PKD1L3: variants seen among roughly 807,000 people sequenced by gnomAD.
PKD1L3 encodes the protein polycystin 1 like 3, transient receptor potential channel interacting.
A neutral mutation model predicts 184.1 loss-of-function variants in PKD1L3; 239 were observed. That is an observed-to-expected ratio of 1.30 (90% confidence interval 1.17 to 1.45). The LOEUF (loss-of-function observed/expected upper bound fraction) is 1.45. Among genes scored for constraint, PKD1L3 ranks in the 40% most tolerant of loss-of-function variants. PKD1L3 has a pLI of 0.00. For synonymous variants in PKD1L3, 996 were observed against 778.8 expected (o/e 1.28, Z -4.64); for missense variants, 2,660 against 2,067.2 (o/e 1.29, Z -5.56).
chr16:71,996,817 G>C (rs1204465112), intron 2 of PKD1L3, among the ~76,000 whole-genome samples: 1 of 152,126 alleles, frequency 6.6e-6, no homozygotes, highest in Non-Finnish European at 1.5e-5. Flanking sequence ...TCAACAACCA[G>C]AGGGATTCAC....
intron 28 of PKD1L3, among the ~76,000 whole-genome samples, chr16:71,933,101 T>C (rs1216917350): frequency 2.6e-5 from 4 of 152,064 alleles, no homozygotes; most frequent in Non-Finnish European, 4.4e-5. Flanking sequence ...CAAGGGGCCA[T>C]TGAGAAGCAG....
At chr16:71,981,379 G>A (rs2040146752) in intron 7 of PKD1L3, among the ~76,000 whole-genome samples, 1 of 152,072 alleles carries the variant, frequency 6.6e-6, no homozygotes, top group South Asian at 2.1e-4. Context: ...ATCCTTGCCA[G>A]TACTTGTTAT....
intron 24 of PKD1L3, among the ~76,000 whole-genome samples, chr16:71,941,783 C>T (rs2038370877): frequency 6.6e-6 from 1 of 151,326 alleles, no homozygotes; most frequent in African/African-American, 2.4e-5. Context: ...CGGGGTGTCA[C>T]CATATTGGCC....
intron 2 of PKD1L3, among the ~76,000 whole-genome samples, chr16:71,994,793 G>C (rs534191758): frequency 2.6e-5 from 4 of 152,082 alleles, no homozygotes; most frequent in Non-Finnish European, 4.4e-5. Context: ...GAGGTCAGGA[G>C]TTCGAGACCA....
chr16:71,956,743 C>G (rs1457693149), intron 16 of PKD1L3, among the ~76,000 whole-genome samples: 1 of 152,136 alleles, frequency 6.6e-6, no homozygotes, highest in African/African-American at 2.4e-5. Context: ...AGCTCTGTTG[C>G]ACAGCAGTAT....
At position 71,945,266 on chromosome 16, in the gene PKD1L3, CTATATATATATATATATATATATATATA is replaced by C. The variant is rs60469321; in HGVS notation, c.3719-1124_3719-1097del. ...AGGCCTAAGATTCTGAATTTCTTAA[CTATATATATATATATATATATATATATA>C]TATATATATATACACACACACACAC... On this transcript the variant is annotated intron_variant, in intron 22 of 29. Transcript: ENST00000620267. Among the ~76,000 whole-genome samples, 7 of 63,944 alleles carry C rather than the reference CTATATATATATATATATATATATATATA, an allele frequency of 1.1e-4. 1 individual carries two copies. The highest frequency in any genetic ancestry group is 2.3e-4 in the African/African-American group (4 of 17,132). 41.9% of individuals were successfully genotyped at this position (63,944 alleles called of 152,430 possible). A position where few individuals can be genotyped will look rare whatever the true frequency, so the allele number is the denominator to read the frequency against.
rs1466616463 is a variant in PKD1L3 at position 71,933,927 on chromosome 16, G to A, written c.4812C>T (p.Gly1604=). ...FLLIILILLT[G]YAIAFNLLFG... ...CGTGGGGGCTTACGGCAATGGCATAGCCTGTCAGCAGGATTAGGATGATCA... is the reference window on the plus strand; with the variant it reads ...CGTGGGGGCTTACGGCAATGGCATAACCTGTCAGCAGGATTAGGATGATCA... Residue 1604 remains glycine, a synonymous_variant, in exon 27 of 30, where the codon GGC becomes GGT. Coordinates refer to ENST00000620267, the MANE Select transcript of PKD1L3 (RefSeq NM_181536.2). The A allele has an allele frequency of 6.4e-7, 1 of 1,551,112 alleles. No homozygotes were observed. The highest frequency in any genetic ancestry group is 1.4e-5 in the African/African-American group (1 of 73,004).
In PKD1L3 at chr16:71,950,232, A is replaced by G; in HGVS notation, c.3269T>C (p.Leu1090Pro). The G allele has an allele frequency of 6.4e-7, 1 of 1,552,132 alleles. No individual in the cohort carries two copies. Among genetic ancestry groups the G allele is most frequent in the Non-Finnish European group, 8.7e-7 (1 of 1,147,096 alleles). Residue 1090 changes from leucine to proline, a missense_variant, in exon 20 of 30, where the codon CTG becomes CCG. Transcript: ENST00000620267. ...GGACTGGTGACCCTGGGTGAGACCC[A>G]GCGTGCCTAAGTGAGATTTCAGCCT... ...LQRLKSHLGTLGLTQGHQSCD... is the reference protein window; with the variant it reads ...LQRLKSHLGTPGLTQGHQSCD...
rs540326664 is a variant in PKD1L3, at chr16:71,935,322, G to A, written c.4613+36C>T. On this transcript the variant is annotated intron_variant, in intron 26 of 29. Coordinates refer to ENST00000620267, the MANE Select transcript of PKD1L3 (RefSeq NM_181536.2). ...ATAAACAGGAAACTTTAGACATGAG[G>A]TAGGAATATGCTGTGCCCCTCAGGC... 1.2e-5 allele frequency: 18 copies of A among 1,531,550 alleles called. No homozygotes were observed. In the South Asian group the frequency reaches 1.8e-4, roughly 16 times the overall value. The allele number at this position is 1,531,550 out of a possible 1,614,324, so 94.9% of individuals were successfully genotyped here. A position where few individuals can be genotyped will look rare whatever the true frequency, so the allele number is the denominator to read the frequency against.
intron 11 of PKD1L3, among the ~76,000 whole-genome samples, chr16:71,975,377 G>A (rs1047954675): frequency 6.6e-6 from 1 of 151,980 alleles, no homozygotes; most frequent in Non-Finnish European, 1.5e-5. Context: ...TAACTGTAAT[G>A]TTATGTCTCA....
chr16:71,947,644 A>G, intron 21 of PKD1L3, 53 bp from the exon 22 acceptor site: 2 of 1,201,622 alleles, frequency 1.7e-6, no homozygotes, highest in East Asian at 2.6e-5. Flanking sequence ...ACCCAGGAAG[A>G]TAATACCGTA....
chr16:71,958,941 G>A (rs887653879), intron 16 of PKD1L3, among the ~76,000 whole-genome samples: 4 of 151,070 alleles, frequency 2.6e-5, no homozygotes, highest in African/African-American at 9.7e-5. Context: ...CAAAAAATTA[G>A]CCAGGCATGG....
chr16:71,937,125 A>G (rs1297679292), intron 25 of PKD1L3, among the ~76,000 whole-genome samples, 167 bp downstream of exon 25: 1 of 151,976 alleles, frequency 6.6e-6, no homozygotes, highest in Non-Finnish European at 1.5e-5. Context: ...GCGTGATCTT[A>G]GCTCACTGCA....
At chr16:71,941,280 A>G (rs954981832) in intron 24 of PKD1L3, among the ~76,000 whole-genome samples, 2 of 152,192 alleles carry the variant, frequency 1.3e-5, no homozygotes, top group African/African-American at 4.8e-5. Flanking sequence ...AGTTAAGAGG[A>G]TATTGCATCC....
chr16:71,991,030 T>TA (rs2040569784), intron 3 of PKD1L3: 1 of 152,322 alleles, frequency 6.6e-6, no homozygotes, highest in Non-Finnish European at 1.5e-5. Context: ...ATTTTCCCAG[T>TA]AAAAAATGCC....
At chr16:71,954,335 G>T in intron 16 of PKD1L3, 34 bp from the exon 17 acceptor site, 2 of 1,448,366 alleles carry the variant, frequency 1.4e-6, no homozygotes, top group South Asian at 1.4e-5. Flanking sequence ...AAATACATGA[G>T]ATTTTATTCT....
intron 3 of PKD1L3, chr16:71,991,135 C>A (rs1198871151): frequency 5.9e-6 from 1 of 168,976 alleles, no homozygotes; most frequent in Non-Finnish European, 1.3e-5. Context: ...TATGTGCCAT[C>A]TTAACGTGCA....
chr16:71,992,000 T>G (rs7184140), intron 3 of PKD1L3, among the ~76,000 whole-genome samples: 70,717 of 151,872 alleles, frequency 0.47, 17,851 homozygotes, highest in African/African-American at 0.65. Context: ...TAAAAGTTTT[T>G]TGTAGAGACA....
At chr16:71,944,591 G>A (rs942965600) in intron 22 of PKD1L3, among the ~76,000 whole-genome samples, 5 of 152,158 alleles carry the variant, frequency 3.3e-5, no homozygotes, top group Non-Finnish European at 7.3e-5. Flanking sequence ...ACTGAGGTGA[G>A]AGGACTGATT....
Sources: allele counts gnomAD v4.1 joint callset (sites outside exome capture counted in the v4.1 genomes callset), GRCh38; gene constraint gnomAD v4.1.1; transcripts MANE v1.5; gene names NCBI Gene and HGNC (gene_info 2026-07-23, HGNC 2026-07-21).